Variants in NTM observed in about 807,000 individuals in gnomAD.
The protein encoded by NTM is IgLON family member 2.
NTM carries 13 observed loss-of-function variants against 42.1 expected under a neutral mutation model. The observed-to-expected ratio is 0.31, with a 90% CI of 0.20 to 0.49. The LOEUF is 0.49. Among genes scored for constraint, NTM ranks in the 20% least tolerant of loss-of-function variants. NTM has a pLI of 0.99. For synonymous variants in NTM, 187 were observed against 179.2 expected (o/e 1.04, Z -0.35); for missense variants, 373 against 452.8 (o/e 0.82, Z 1.60).
intron 1 of NTM, among the ~76,000 whole-genome samples, chr11:131,606,661 G>A (rs994040546): frequency 3.3e-5 from 5 of 152,086 alleles, no homozygotes; most frequent in African/African-American, 7.2e-5. Flanking sequence ...TCAAGGGGGT[G>A]GGCACACTCA....
intron 1 of NTM, among the ~76,000 whole-genome samples, chr11:131,831,097 T>C (rs1377955091): frequency 6.6e-6 from 1 of 152,182 alleles, no homozygotes; most frequent in African/African-American, 2.4e-5. Flanking sequence ...ACATATGGAA[T>C]CACATCATCA....
At chr11:132,128,795 G>T (rs568503898) in intron 2 of NTM, among the ~76,000 whole-genome samples, 1 of 151,640 alleles carries the variant, frequency 6.6e-6, no homozygotes, top group Non-Finnish European at 1.5e-5. Context: ...AAAATTAGCC[G>T]AGTGCGGTGG....
chr11:131,727,412 C>T (rs1397112314), intron 1 of NTM, among the ~76,000 whole-genome samples: 1 of 152,156 alleles, frequency 6.6e-6, no homozygotes, highest in Non-Finnish European at 1.5e-5. Flanking sequence ...GCTGGGACAG[C>T]TACAAATTTG....
At chr11:131,401,808 A>ATATATATATATATATATGTGTG (rs1945177667) in intron 1 of NTM, among the ~76,000 whole-genome samples, 1 of 9,610 alleles carries the variant, frequency 1.0e-4, no homozygotes, top group Non-Finnish European at 1.8e-4. Flanking sequence ...AAATATATAT[A>ATATATATATATATATATGTGTG]TATATATATA....
At chr11:131,770,932 G>A (rs558360831) in intron 1 of NTM, 1 of 152,272 alleles carries the variant, frequency 6.6e-6, no homozygotes, top group Admixed American at 6.5e-5. Context: ...TCTTTCTGCT[G>A]CTCTTCTGTG....
At chr11:132,097,755 C>G (rs949193499) in intron 2 of NTM, among the ~76,000 whole-genome samples, 1 of 152,204 alleles carries the variant, frequency 6.6e-6, no homozygotes, top group Admixed American at 6.5e-5. Flanking sequence ...GGCTTCTCCT[C>G]AAATACTTGG....
chr11:131,938,775 A>G (rs12099047), intron 2 of NTM, among the ~76,000 whole-genome samples: 2,982 of 152,206 alleles, frequency 0.02, 49 homozygotes, highest in South Asian at 0.047. Context: ...GCGTGTACAT[A>G]TATTTTAAGG....
At chr11:132,019,855 G>GT (rs1002350958) in intron 2 of NTM, among the ~76,000 whole-genome samples, 26 of 148,742 alleles carry the variant, frequency 1.7e-4, no homozygotes, top group Admixed American at 2.7e-4. Flanking sequence ...TATTTATTTG[G>GT]TTTTTTTTTC....
chr11:131,467,761 G>T (rs1327431522), intron 1 of NTM, among the ~76,000 whole-genome samples: 1 of 152,186 alleles, frequency 6.6e-6, no homozygotes, highest in Non-Finnish European at 1.5e-5. Context: ...GTTTATTTTG[G>T]TGGAGTGTGT....
chr11:131,858,878 C>G (rs2046354374), intron 1 of NTM, among the ~76,000 whole-genome samples: 1 of 152,112 alleles, frequency 6.6e-6, no homozygotes, highest in African/African-American at 2.4e-5. Context: ...TAGTCCCCAC[C>G]CTGCTTCTAC....
At chr11:131,669,859 G>T (rs983754139) in intron 1 of NTM, among the ~76,000 whole-genome samples, 4 of 152,194 alleles carry the variant, frequency 2.6e-5, no homozygotes, top group African/African-American at 7.2e-5. Flanking sequence ...GGCTTAGAAG[G>T]TCCCAGCTTC....
At chr11:132,218,950 G>A (rs2084516739) in intron 4 of NTM, among the ~76,000 whole-genome samples, 1 of 152,148 alleles carries the variant, frequency 6.6e-6, no homozygotes, top group Non-Finnish European at 1.5e-5. Context: ...GGTCATGCTG[G>A]AGTAGTGATA....
chr11:131,530,102 C>A (rs186870092), intron 1 of NTM, among the ~76,000 whole-genome samples: 15 of 152,170 alleles, frequency 9.9e-5, no homozygotes, highest in Admixed American at 9.8e-4. Context: ...TCCTTCCACA[C>A]GTCAGATAGA....
chr11:131,923,176 GTCTGTTATTTATGTATGTCT>G (rs1217605878), intron 2 of NTM, among the ~76,000 whole-genome samples: 2 of 152,070 alleles, frequency 1.3e-5, no homozygotes, highest in African/African-American at 4.8e-5. Flanking sequence ...ACCTAGAGAA[GTCTGTTATTTATGTATGTCT>G]TCTGTTATTT....
chr11:132,260,508 A>C (rs1169960991), intron 4 of NTM, among the ~76,000 whole-genome samples: 3 of 152,206 alleles, frequency 2.0e-5, no homozygotes, highest in African/African-American at 7.2e-5. Flanking sequence ...TGGATGATGT[A>C]ATTAGAAGTA....
intron 1 of NTM, among the ~76,000 whole-genome samples, chr11:131,808,606 G>T (rs1247730664): frequency 6.6e-6 from 1 of 152,238 alleles, no homozygotes; most frequent in Non-Finnish European, 1.5e-5. Flanking sequence ...TGGACCAGGT[G>T]TTGGTCCGGG....
intron 1 of NTM, among the ~76,000 whole-genome samples, chr11:131,550,610 T>C (rs1408637572): frequency 1.3e-5 from 2 of 152,222 alleles, no homozygotes; most frequent in South Asian, 2.1e-4. Context: ...TCCTTGGCCA[T>C]GCTTCCTGTA....
intron 1 of NTM, among the ~76,000 whole-genome samples, chr11:131,552,216 A>C (rs965070905): frequency 6.6e-6 from 1 of 152,134 alleles, no homozygotes; most frequent in Admixed American, 6.5e-5. Flanking sequence ...ACAGAAAATA[A>C]CCCTGCCAAC....
intron 1 of NTM, among the ~76,000 whole-genome samples, chr11:131,546,508 C>G (rs1294068790): frequency 6.6e-6 from 1 of 152,202 alleles, no homozygotes; most frequent in Non-Finnish European, 1.5e-5. Flanking sequence ...TCAAAGTCAA[C>G]TATGTCATGT....
Sources: gnomAD v4.1 joint callset for allele counts (sites outside exome capture counted in the v4.1 genomes callset) on GRCh38, gnomAD v4.1.1 for gene constraint, MANE v1.5 for transcripts, NCBI Gene and HGNC (gene_info 2026-07-23, HGNC 2026-07-21) for gene names.